TENM1: variants seen among roughly 807,000 people sequenced by gnomAD.
TENM1 encodes the protein teneurin transmembrane protein 1.
In TENM1, 35 loss-of-function variants were observed where a neutral mutation model predicts 174.8. The ratio of observed to expected loss-of-function variants is 0.20; its 90% CI spans 0.15 to 0.27. TENM1 has a LOEUF of 0.27. Ranked by LOEUF, TENM1 falls within the 10% of genes least tolerant of loss-of-function variation. The pLI, the probability that TENM1 is intolerant of heterozygous loss-of-function variation, is 1.00. For missense variants in TENM1, 1,633 were observed against 2,130.1 expected (o/e 0.77, Z 4.59); for synonymous variants, 781 against 798.7 (o/e 0.98, Z 0.37).
chrX:124,982,270 G>GA, the TENM1 span, among the ~76,000 whole-genome samples: 258 of 10,525 alleles, frequency 0.025, 13 homozygotes, highest in Middle Eastern at 0.095. Flanking sequence ...AAGAAAATGT[G>GA]AAAAAAAAAA....
At chrX:124,678,926 A>T (rs1257619012) in intron 5 of TENM1, among the ~76,000 whole-genome samples, 4 of 111,475 alleles carry the variant, frequency 3.6e-5, no homozygotes, top group Non-Finnish European at 7.6e-5. Flanking sequence ...GTAATTTTTG[A>T]ATACACCTAA....
At chrX:125,001,263 C>T in the TENM1 span, among the ~76,000 whole-genome samples, 1 of 111,116 alleles carries the variant, frequency 9.0e-6, no homozygotes, top group East Asian at 2.8e-4. Flanking sequence ...GATTTATTAG[C>T]TATTAACTCC....
the TENM1 span, among the ~76,000 whole-genome samples, chrX:125,130,579 CTATAA>C: frequency 6.3e-5 from 7 of 110,315 alleles, 1 homozygote; most frequent in East Asian, 8.6e-4. Flanking sequence ...AATATGTATA[CTATAA>C]TATGATTTAC....
At chrX:124,966,586 T>C (rs6608228), upstream of TENM1, among the ~76,000 whole-genome samples, 12,937 of 101,676 alleles carry the variant, frequency 0.13, 2,335 homozygotes, top group African/African-American at 0.45. Context: ...GGCGTGAACC[T>C]GGGAGGCGGA....
At chrX:124,665,819 C>T (rs1450837869) in intron 6 of TENM1, among the ~76,000 whole-genome samples, 1 of 112,094 alleles carries the variant, frequency 8.9e-6, no homozygotes, top group Non-Finnish European at 1.9e-5. Flanking sequence ...CCCCTTCCCT[C>T]GCCATATCTG....
the TENM1 span, among the ~76,000 whole-genome samples, chrX:125,077,682 A>G: frequency 2.7e-5 from 3 of 111,243 alleles, no homozygotes; most frequent in Non-Finnish European, 3.8e-5. Context: ...CTCCCTACGG[A>G]CAGGAAAAAT....
intron 10 of TENM1, among the ~76,000 whole-genome samples, chrX:124,642,977 A>G (rs928629087): frequency 8.9e-6 from 1 of 112,112 alleles, no homozygotes; most frequent in African/African-American, 3.2e-5. Context: ...GGTCTGTGGA[A>G]CAGAGTAAGT....
chrX:124,616,111 C>T (rs1212136715), intron 11 of TENM1, among the ~76,000 whole-genome samples: 1 of 112,834 alleles, frequency 8.9e-6, no homozygotes, highest in Non-Finnish European at 1.9e-5. Flanking sequence ...GCGCTACCAG[C>T]TCAGTTATTA....
the TENM1 span, among the ~76,000 whole-genome samples, chrX:125,159,735 T>C: frequency 8.9e-6 from 1 of 112,060 alleles, no homozygotes; most frequent in Non-Finnish European, 1.9e-5. Context: ...GTTATTGGTC[T>C]ATAATAGTTA....
At chrX:124,999,820 G>T in the TENM1 span, among the ~76,000 whole-genome samples, 1 of 111,477 alleles carries the variant, frequency 9.0e-6, no homozygotes, top group Non-Finnish European at 1.9e-5. Context: ...TTTCCCTTGA[G>T]TAAAGGCCCT....
chrX:124,554,649 C>T (rs2048654260), intron 14 of TENM1, among the ~76,000 whole-genome samples: 1 of 112,151 alleles, frequency 8.9e-6, no homozygotes, highest in South Asian at 3.7e-4. Context: ...TTCATTGTTC[C>T]TTCTCTTTCA....
At chrX:124,977,603 C>G in the TENM1 span, among the ~76,000 whole-genome samples, 2 of 110,480 alleles carry the variant, frequency 1.8e-5, no homozygotes, top group Admixed American at 2.0e-4. Context: ...ATTCCTAAAT[C>G]TAGTAAGCAG....
At chrX:124,416,703 C>G (rs1279257060) in intron 25 of TENM1, among the ~76,000 whole-genome samples, 3 of 111,656 alleles carry the variant, frequency 2.7e-5, no homozygotes, top group African/African-American at 9.8e-5. Flanking sequence ...GTGGCTCACT[C>G]TTTCCTCCTG....
chrX:124,427,083 G>A (rs1162864738), intron 23 of TENM1, among the ~76,000 whole-genome samples: 2 of 111,930 alleles, frequency 1.8e-5, no homozygotes, highest in Non-Finnish European at 3.8e-5. Context: ...AAGAGGAAAT[G>A]AATTCATTTC....
exon 28 of TENM1, chrX:124,392,238 C>A (rs1265048466): frequency 1.6e-5 from 19 of 1,211,264 alleles, no homozygotes; most frequent in Non-Finnish European, 2.1e-5. Context: ...GAATGGGTCG[C>A]CCAGTCTGGT....
the TENM1 span, among the ~76,000 whole-genome samples, chrX:125,089,317 T>C: frequency 8.9e-6 from 1 of 112,238 alleles, no homozygotes; most frequent in East Asian, 2.8e-4. Context: ...TACAGCCAGA[T>C]CATTTTAAGA....
In TENM1 at chrX:124,804,653, G is replaced by T. The variant is rs983069007; in HGVS notation, c.536-67456C>A. Among the ~76,000 whole-genome samples, 3 of 111,658 alleles carry T rather than the reference G, an allele frequency of 2.7e-5. No individual in the cohort carries two copies. In the South Asian group the frequency reaches 1.1e-3, roughly 41 times the overall value. On this transcript the variant is annotated intron_variant, in intron 3 of 31. Transcript: ENST00000422452. ...TCCTAAATTTTGTATATCATCACCT[G>T]TGAACCAACAGACATTAACAAGGAC...
intron 3 of TENM1, among the ~76,000 whole-genome samples, chrX:124,770,350 A>G (rs2054624887): frequency 9.0e-6 from 1 of 111,467 alleles, no homozygotes; most frequent in African/African-American, 3.3e-5. Context: ...ATCAGAATAT[A>G]TATTATAATA....
intron 22 of TENM1, among the ~76,000 whole-genome samples, chrX:124,481,297 A>G (rs1179019786): frequency 9.0e-6 from 1 of 111,155 alleles, no homozygotes; most frequent in Admixed American, 9.6e-5. Context: ...GGTAGAAGGT[A>G]GGCACAGACC....
Sources: allele counts gnomAD v4.1 joint callset (sites outside exome capture counted in the v4.1 genomes callset), GRCh38; gene constraint gnomAD v4.1.1; transcripts MANE v1.5; gene names NCBI Gene and HGNC (gene_info 2026-07-23, HGNC 2026-07-21).